The following C17orf67 variants were observed in gnomAD, a reference collection of about 807,000 sequenced individuals.
C17orf67 encodes uncharacterized protein C17orf67.
A neutral mutation model predicts 11.2 loss-of-function variants in C17orf67; 12 were observed. The observed-to-expected ratio is 1.07, with a 90% CI of 0.68 to 1.73. The LOEUF is 1.73. C17orf67 is among the 40% of genes most tolerant of loss of function. The pLI is 0.00. For missense variants in C17orf67, 115 were observed against 113.5 expected, an observed-to-expected ratio of 1.01 and a Z score of -0.06; for synonymous variants, 59 against 46.9, an observed-to-expected ratio of 1.26 and a Z score of -1.05.
intron 4 of C17orf67, among the ~76,000 whole-genome samples, chr17:56,824,275 C>T (rs1905973466): frequency 6.6e-6 from 1 of 152,228 alleles, no homozygotes; most frequent in Non-Finnish European, 1.5e-5. Context: ...CACACACTGG[C>T]TTGCCCTTCA....
intron 4 of C17orf67, among the ~76,000 whole-genome samples, chr17:56,820,540 C>T (rs555243547): frequency 3.4e-4 from 52 of 152,240 alleles, no homozygotes; most frequent in Non-Finnish European, 6.9e-4. Context: ...CAGAGAAAAC[C>T]CACGCAGACA....
At chr17:56,812,557 C>T (rs984846332) in intron 6 of C17orf67, among the ~76,000 whole-genome samples, 4 of 152,020 alleles carry the variant, frequency 2.6e-5, no homozygotes. Flanking sequence ...GGATTCTGGA[C>T]ATTGGATGAA....
chr17:56,800,077 T>TC (rs1432007535), intron 6 of C17orf67, among the ~76,000 whole-genome samples: 6 of 144,828 alleles, frequency 4.1e-5, no homozygotes, highest in African/African-American at 1.5e-4. Context: ...TTTTTTTTTT[T>TC]TTTTTTGAGA....
chr17:56,796,203 G>A (rs1905211094), intron 6 of C17orf67, among the ~76,000 whole-genome samples: 1 of 152,154 alleles, frequency 6.6e-6, no homozygotes, highest in South Asian at 2.1e-4. Context: ...ATATACCCAA[G>A]AGAAACAAAA....
At chr17:56,802,834 G>C (rs1362344802) in intron 6 of C17orf67, among the ~76,000 whole-genome samples, 1 of 152,234 alleles carries the variant, frequency 6.6e-6, no homozygotes, top group Admixed American at 6.5e-5. Flanking sequence ...AGCGTGAGCT[G>C]TGCTCCCCTC....
intron 2 of C17orf67, among the ~76,000 whole-genome samples, chr17:56,831,987 G>A (rs935395909): frequency 1.2e-4 from 18 of 151,664 alleles, no homozygotes; most frequent in Admixed American, 7.9e-4. Context: ...TCGCTCTGTC[G>A]CCCCGGCTGG....
rs1295428637 is a variant in C17orf67 at position 56,792,269 on chromosome 17, C to T, written c.*104G>A. The T allele has an allele frequency of 6.6e-6, 1 of 152,232 alleles. No homozygotes were observed. The highest frequency in any genetic ancestry group is 1.5e-5 in the Non-Finnish European group (1 of 68,050). The allele number at this position is 152,232 out of a possible 1,614,324, so 9.4% of individuals were successfully genotyped here. A position where few individuals can be genotyped will look rare whatever the true frequency, so the allele number is the denominator to read the frequency against. Reference sequence around the variant, plus strand: ...ACAGTTCACGAGGTCTGAAGACATCCATTTCTGCAATTTAAAAACAAGTGA... The same window carrying T: ...ACAGTTCACGAGGTCTGAAGACATCTATTTCTGCAATTTAAAAACAAGTGA... On this transcript the variant is annotated 3_prime_UTR_variant, in exon 8 of 8. Transcript: ENST00000397861.
intron 6 of C17orf67, among the ~76,000 whole-genome samples, chr17:56,806,333 C>T (rs1327586942): frequency 1.3e-5 from 2 of 152,062 alleles, no homozygotes; most frequent in Non-Finnish European, 2.9e-5. Context: ...TTCAATAGTA[C>T]GTGTGAAAGG....
At chr17:56,824,676 C>T (rs1218659888) in intron 4 of C17orf67, 63 bp downstream of exon 4, 1 of 152,334 alleles carries the variant, frequency 6.6e-6, no homozygotes, top group African/African-American at 2.4e-5. Flanking sequence ...CTGACTTCCC[C>T]AGGTGGAATC....
chr17:56,819,836 T>G (rs1026029677), intron 4 of C17orf67, among the ~76,000 whole-genome samples: 8 of 152,008 alleles, frequency 5.3e-5, no homozygotes, highest in African/African-American at 1.9e-4. Flanking sequence ...CAATTCCCAA[T>G]AAATCCACAA....
chr17:56,798,487 C>T (rs1258979368), intron 6 of C17orf67, among the ~76,000 whole-genome samples: 2 of 152,068 alleles, frequency 1.3e-5, no homozygotes, highest in Non-Finnish European at 2.9e-5. Flanking sequence ...TGACACAGCA[C>T]CATCACCAGT....
intron 5 of C17orf67, among the ~76,000 whole-genome samples, chr17:56,815,520 T>G (rs1905737731): frequency 6.6e-6 from 1 of 152,138 alleles, no homozygotes; most frequent in African/African-American, 2.4e-5. Context: ...AGCTGAAGAT[T>G]TATCAGCATT....
In C17orf67 at chr17:56,801,995, C is replaced by T. The variant is rs1664903035; in HGVS notation, c.157-6815G>A. Among the ~76,000 whole-genome samples, 3 of 152,292 alleles carry T rather than the reference C, an allele frequency of 2.0e-5. 1 individual carries two copies. The highest frequency in any genetic ancestry group is 2.0e-4 in the Admixed American group (3 of 15,298). The stretch of plus-strand genomic sequence containing the variant: ...TGTCATTATTGCTTTACCTCTCCAG[C>T]CTCAGTTTGTTCATCTGCAAGATGG... On this transcript the variant is annotated intron_variant, in intron 6 of 7. Transcript: ENST00000397861.
At chr17:56,805,060 A>G (rs1905412501) in intron 6 of C17orf67, among the ~76,000 whole-genome samples, 1 of 152,238 alleles carries the variant, frequency 6.6e-6, no homozygotes, top group East Asian at 1.9e-4. Context: ...GTGGGGACCC[A>G]GAAGTAAAAC....
chr17:56,818,000 T>C (rs1212942691), intron 4 of C17orf67, among the ~76,000 whole-genome samples: 1 of 151,688 alleles, frequency 6.6e-6, no homozygotes, highest in Non-Finnish European at 1.5e-5. Context: ...TGTGCCACCA[T>C]GCCCAGCTAA....
At chr17:56,823,832 G>T (rs542817570) in intron 4 of C17orf67, among the ~76,000 whole-genome samples, 2 of 152,230 alleles carry the variant, frequency 1.3e-5, no homozygotes, top group East Asian at 3.9e-4. Flanking sequence ...GAGGTGAATG[G>T]ATAAATAAAC....
chr17:56,805,885 T>G (rs576336488), intron 6 of C17orf67, among the ~76,000 whole-genome samples: 1 of 152,092 alleles, frequency 6.6e-6, no homozygotes, highest in Non-Finnish European at 1.5e-5. Context: ...TAGATACTTT[T>G]TTTAAATATA....
At chr17:56,818,136 G>A (rs72837361) in intron 4 of C17orf67, among the ~76,000 whole-genome samples, 18,087 of 150,338 alleles carry the variant, frequency 0.12, 1,174 homozygotes, top group South Asian at 0.16. Flanking sequence ...GAGCCAACAC[G>A]TGCAGCTAGT....
In C17orf67 at chr17:56,792,189, G is replaced by A. The variant is rs773053759; in HGVS notation, c.*184C>T. 2 of 152,192 alleles carry A rather than the reference G, an allele frequency of 1.3e-5. No homozygotes were observed. The highest frequency in any genetic ancestry group is 1.3e-4 in the Admixed American group (2 of 15,278). 9.4% of individuals were successfully genotyped at this position (152,192 alleles called of 1,614,324 possible). ...TGGTTTTAGTGATCTATGCAGGTTA[G>A]TAAAATGAAGCAGTATATATATTTG... On this transcript the variant is annotated 3_prime_UTR_variant, in exon 8 of 8. Coordinates refer to ENST00000397861, the MANE Select transcript of C17orf67 (RefSeq NM_001085430.4).
Sources: allele counts gnomAD v4.1 joint callset (sites outside exome capture counted in the v4.1 genomes callset), GRCh38; gene constraint gnomAD v4.1.1; transcripts MANE v1.5; gene names NCBI Gene and HGNC (gene_info 2026-07-23, HGNC 2026-07-21).